The following ACTR3B variants were observed in gnomAD, a reference collection of about 807,000 sequenced individuals.
The protein encoded by ACTR3B is actin related protein 3B.
Under a neutral mutation model 59.0 loss-of-function variants are expected in ACTR3B, and 8 were observed. The observed-to-expected ratio is 0.14, with a 90% CI of 0.08 to 0.24. ACTR3B has a LOEUF of 0.24. Ranked by LOEUF, ACTR3B falls within the 10% of genes least tolerant of loss-of-function variation. The pLI is 1.00. For synonymous variants in ACTR3B, 148 were observed against 197.9 expected (o/e 0.75, Z 2.12); for missense variants, 245 against 552.3 (o/e 0.44, Z 5.58).
At chr7:152,809,440 A>T (rs898012951) in intron 4 of ACTR3B, among the ~76,000 whole-genome samples, 7 of 152,066 alleles carry the variant, frequency 4.6e-5, no homozygotes, top group African/African-American at 1.7e-4. Context: ...TGCCTAGAGG[A>T]AGCCGCCCTT....
At position 152,759,803 on chromosome 7, in the gene ACTR3B, CG is replaced by C; in HGVS notation, c.-76del. ...GGCGGCTCGCGGGAGACGCTGCGCG[CG>C]GGGCTAGCGGGCGGCGGAGCGGACG... On this transcript the variant is annotated 5_prime_UTR_variant, in exon 1 of 12. Coordinates refer to ENST00000256001, the MANE Select transcript of ACTR3B (RefSeq NM_020445.6). 9.2e-7 allele frequency: 1 copy of C among 1,089,954 alleles called. No individual in the cohort carries two copies. The highest frequency in any genetic ancestry group is 1.7e-5 in the African/African-American group (1 of 60,348). The allele number at this position is 1,089,954 out of a possible 1,614,324, so 67.5% of individuals were successfully genotyped here. A position where few individuals can be genotyped will look rare whatever the true frequency, so the allele number is the denominator to read the frequency against.
At chr7:152,794,855 G>T (rs551208787) in intron 2 of ACTR3B, among the ~76,000 whole-genome samples, 14 of 152,288 alleles carry the variant, frequency 9.2e-5, no homozygotes, top group Non-Finnish European at 1.6e-4. Flanking sequence ...CTTCAGTTCT[G>T]CTGAAGTTCT....
At chr7:152,775,066 C>T (rs1366165779) in intron 1 of ACTR3B, among the ~76,000 whole-genome samples, 3 of 151,812 alleles carry the variant, frequency 2.0e-5, no homozygotes, top group Non-Finnish European at 2.9e-5. Flanking sequence ...GTGTCGTGCA[C>T]CTATAGTCTT....
At chr7:152,792,344 A>G (rs1242871384) in intron 2 of ACTR3B, among the ~76,000 whole-genome samples, 1 of 152,118 alleles carries the variant, frequency 6.6e-6, no homozygotes, top group Non-Finnish European at 1.5e-5. Context: ...TGCTCTTTCC[A>G]TTGTTCTTTC....
chr7:152,810,374 T>C (rs1563116538), intron 4 of ACTR3B, among the ~76,000 whole-genome samples: 1 of 151,016 alleles, frequency 6.6e-6, no homozygotes, highest in African/African-American at 2.4e-5. Context: ...CCCAAAGTGC[T>C]GGGATTACAG....
At position 152,799,653 on chromosome 7, in the gene ACTR3B, G is replaced by A. The variant is rs187197893; in HGVS notation, c.101-878G>A. ...TCATCCAGAAAAATGCCTTAATGCA[G>A]GTATAAAAGGGCCAGTGGAAGCATC... On this transcript the variant is annotated intron_variant, in intron 2 of 11. Transcript: ENST00000256001. Among the ~76,000 whole-genome samples, 97 of 152,326 alleles carry A rather than the reference G, an allele frequency of 6.4e-4. 1 individual carries two copies. Among genetic ancestry groups the A allele is most frequent in the African/African-American group, 2.2e-3 (93 of 41,570 alleles).
chr7:152,847,794 G>A (rs568900571), intron 9 of ACTR3B, among the ~76,000 whole-genome samples: 28 of 152,142 alleles, frequency 1.8e-4, no homozygotes, highest in African/African-American at 4.3e-4. Context: ...TGGGTTTTCC[G>A]AAGAGGCCCA....
At chr7:152,828,873 G>C (rs1796794786) in intron 9 of ACTR3B, among the ~76,000 whole-genome samples, 1 of 152,076 alleles carries the variant, frequency 6.6e-6, no homozygotes, top group Admixed American at 6.5e-5. Context: ...TGTGCTTTTG[G>C]CTTCAGAAGA....
chr7:152,816,166 C>T (rs1367416735), intron 5 of ACTR3B, among the ~76,000 whole-genome samples: 1 of 152,170 alleles, frequency 6.6e-6, no homozygotes, highest in Non-Finnish European at 1.5e-5. Flanking sequence ...AGGCTGGTCT[C>T]GAACTCTTGG....
At chr7:152,818,380 A>G (rs1224401260) in intron 6 of ACTR3B, among the ~76,000 whole-genome samples, 4 of 152,244 alleles carry the variant, frequency 2.6e-5, no homozygotes, top group Non-Finnish European at 5.9e-5. Context: ...ACAAATTTGA[A>G]GAAATAAAAT....
chr7:152,764,865 A>G (rs1278085486), intron 1 of ACTR3B, among the ~76,000 whole-genome samples: 1 of 152,064 alleles, frequency 6.6e-6, no homozygotes, highest in Admixed American at 6.6e-5. Flanking sequence ...CCTATTGCCA[A>G]TTTGTAAAAT....
At chr7:152,852,327 C>G in intron 10 of ACTR3B, 76 bp downstream of exon 10, 1 of 1,507,896 alleles carries the variant, frequency 6.6e-7, no homozygotes, top group Non-Finnish European at 8.9e-7. Context: ...GACACAGAGC[C>G]GAAGGAGCTT....
chr7:152,792,472 G>A (rs923775927), intron 2 of ACTR3B, among the ~76,000 whole-genome samples: 12 of 151,116 alleles, frequency 7.9e-5, no homozygotes, highest in African/African-American at 2.7e-4. Context: ...AACATAGGCC[G>A]GGCACGGTGG....
intron 2 of ACTR3B, among the ~76,000 whole-genome samples, chr7:152,794,743 C>T (rs187696904): frequency 2.0e-5 from 3 of 151,988 alleles, no homozygotes; most frequent in East Asian, 1.9e-4. Flanking sequence ...TCACCTCAGT[C>T]GTCGTGGCCC....
chr7:152,764,619 C>T (rs1359558691), intron 1 of ACTR3B, among the ~76,000 whole-genome samples: 1 of 150,162 alleles, frequency 6.7e-6, no homozygotes, highest in African/African-American at 2.5e-5. Flanking sequence ...TGCACTCCAG[C>T]CTGGCAACAG....
Position 152,759,785 on chromosome 7 carries a change from C to G in ACTR3B, c.-98C>G, listed in dbSNP as rs1436677477. 1 of 985,814 alleles carries G rather than the reference C, an allele frequency of 1.0e-6. No individual in the cohort carries two copies. The highest frequency in any genetic ancestry group is 1.3e-6 in the Non-Finnish European group (1 of 799,938). The allele number at this position is 985,814 out of a possible 1,614,324, so 61.1% of individuals were successfully genotyped here. A position where few individuals can be genotyped will look rare whatever the true frequency, so the allele number is the denominator to read the frequency against. On this transcript the variant is annotated 5_prime_UTR_variant, in exon 1 of 12. Coordinates refer to ENST00000256001, the MANE Select transcript of ACTR3B (RefSeq NM_020445.6). ...TCCCGGCAGCGGCGCTGCGGCGGCT[C>G]GCGGGAGACGCTGCGCGCGGGGCTA...
chr7:152,831,967 T>C (rs781461168), intron 9 of ACTR3B, among the ~76,000 whole-genome samples: 14 of 152,166 alleles, frequency 9.2e-5, no homozygotes, highest in Non-Finnish European at 1.6e-4. Context: ...AGGAGTGTAA[T>C]GTGACCCAAC....
chr7:152,826,450 CTT>C (rs1484832508), intron 9 of ACTR3B, among the ~76,000 whole-genome samples: 1 of 151,754 alleles, frequency 6.6e-6, no homozygotes, highest in Non-Finnish European at 1.5e-5. Context: ...GTTTAGATAA[CTT>C]TTGAGGGTGT....
At chr7:152,802,792 A>T (rs193219048) in intron 4 of ACTR3B, among the ~76,000 whole-genome samples, 1 of 152,324 alleles carries the variant, frequency 6.6e-6, no homozygotes, top group East Asian at 1.9e-4. Context: ...ATGTTAGGAT[A>T]TGAAGTGTTT....
Sources: gnomAD v4.1 joint callset for allele counts (sites outside exome capture counted in the v4.1 genomes callset) on GRCh38, gnomAD v4.1.1 for gene constraint, MANE v1.5 for transcripts, NCBI Gene and HGNC (gene_info 2026-07-23, HGNC 2026-07-21) for gene names.